NNT: variants seen among roughly 807,000 people sequenced by gnomAD.
The protein encoded by NNT is nicotinamide nucleotide transhydrogenase, also known as NAD(P) transhydrogenase, mitochondrial.
Under a neutral mutation model 104.8 loss-of-function variants are expected in NNT, and 50 were observed. That is an observed-to-expected ratio of 0.48 (90% CI 0.38 to 0.60). The LOEUF is 0.60. Ranked by LOEUF, NNT falls within the 20% of genes least tolerant of loss-of-function variation. The pLI is 0.00. For missense variants in NNT, 1,131 were observed against 1,330.7 expected, an observed-to-expected ratio of 0.85 and a Z score of 2.33; for synonymous variants, 461 against 490.4, an observed-to-expected ratio of 0.94 and a Z score of 0.79.
At chr5:43,609,413 T>A (rs1749391820) in intron 2 of NNT, 67 bp downstream of exon 2, 2 of 1,506,522 alleles carry the variant, frequency 1.3e-6, no homozygotes, top group East Asian at 2.3e-5. Flanking sequence ...ATCTGATGAT[T>A]GATAAAAGGA....
At chr5:43,696,969 A>G (rs930661200) in intron 19 of NNT, among the ~76,000 whole-genome samples, 5 of 152,178 alleles carry the variant, frequency 3.3e-5, no homozygotes, top group African/African-American at 1.2e-4. Context: ...GGTCGCTGAC[A>G]TGCCCTGGAG....
chr5:43,695,730 G>A (rs1742523656), intron 19 of NNT, among the ~76,000 whole-genome samples: 1 of 152,208 alleles, frequency 6.6e-6, no homozygotes, highest in African/African-American at 2.4e-5. Flanking sequence ...AGGTTTAATG[G>A]ACTTGCAGCT....
intron 21 of NNT, 86 bp from the exon 22 acceptor site, chr5:43,704,169 A>T: frequency 1.7e-6 from 2 of 1,202,264 alleles, no homozygotes; most frequent in Non-Finnish European, 2.3e-6. Flanking sequence ...CCTTGTTCAA[A>T]GGTAGTGAAG....
rs752072828 is a variant in NNT, at chr5:43,653,117, G to A, written c.1963G>A (p.Val655Ile). ...TGGCAATGCACTGGGCATGATTGGGGTTGCTGGAGGACTGGCAGCCACCCT... is the reference window on the plus strand; with the variant it reads ...TGGCAATGCACTGGGCATGATTGGGATTGCTGGAGGACTGGCAGCCACCCT... ...RLGNALGMIG[V>I]AGGLAATLGV... The change falls in exon 14 of 22, where the codon GTT becomes ATT. Residue 655 changes from valine (V) to isoleucine (I), a missense_variant. Coordinates refer to ENST00000344920, the MANE Select transcript of NNT (RefSeq NM_182977.3). 6.2e-7 allele frequency: 1 copy of A among 1,614,112 alleles called. No homozygotes were observed. The highest frequency in any genetic ancestry group is 2.2e-5 in the East Asian group (1 of 44,874).
At chr5:43,635,893 A>G (rs1315267068) in intron 7 of NNT, among the ~76,000 whole-genome samples, 1 of 152,184 alleles carries the variant, frequency 6.6e-6, no homozygotes, top group East Asian at 1.9e-4. Context: ...TAGGGCGTCA[A>G]CATAGGAATT....
chr5:43,644,042 C>T (rs1470996787), intron 7 of NNT, 150 bp from the exon 8 acceptor site: 13 of 679,686 alleles, frequency 1.9e-5, no homozygotes, highest in Middle Eastern at 4.1e-4. Flanking sequence ...TGCCCAGTCT[C>T]ACCCATGCTA....
intron 17 of NNT, 146 bp from the exon 18 acceptor site, chr5:43,675,365 A>G (rs1741354574): frequency 1.6e-6 from 1 of 606,618 alleles, no homozygotes; most frequent in Admixed American, 4.2e-5. Context: ...ATTTTCAGAA[A>G]CCAGCTGAAA....
rs1052219363 is a variant in NNT, at chr5:43,667,104, C to T, written c.2634+7754C>T. The T allele has an allele frequency of 5.5e-4, 848 of 1,548,226 alleles. 3 individuals are homozygous for T. Among genetic ancestry groups the T allele is most frequent in the Non-Finnish European group, 7.2e-4 (823 of 1,136,400 alleles). On this transcript the variant is annotated intron_variant, in intron 17 of 21. Coordinates refer to ENST00000344920, the MANE Select transcript of NNT (RefSeq NM_182977.3). ...TCTTGTTGTGCTTCTTGGCAAAGTGCATGTTCCTCAGGAACTTGGGGTCCA... is the reference window on the plus strand; with the variant it reads ...TCTTGTTGTGCTTCTTGGCAAAGTGTATGTTCCTCAGGAACTTGGGGTCCA...
intron 9 of NNT, 21 bp downstream of exon 9, chr5:43,644,823 C>T (rs1561285379): frequency 7.2e-6 from 11 of 1,535,088 alleles, no homozygotes; most frequent in Non-Finnish European, 8.8e-6. Context: ...AGATCTATTC[C>T]TTCCTTTGCT....
chr5:43,609,415 A>T (rs1749392147), intron 2 of NNT, 69 bp downstream of exon 2: 5 of 1,495,466 alleles, frequency 3.3e-6, no homozygotes, highest in Non-Finnish European at 4.6e-6. Context: ...CTGATGATTG[A>T]TAAAAGGAAA....
At chr5:43,657,893 G>T (rs1740139318) in intron 16 of NNT, among the ~76,000 whole-genome samples, 1 of 152,154 alleles carries the variant, frequency 6.6e-6, no homozygotes, top group Non-Finnish European at 1.5e-5. Context: ...CCAGCACTTT[G>T]GGAGGCCGAG....
At chr5:43,620,975 A>G (rs561752530) in intron 5 of NNT, among the ~76,000 whole-genome samples, 10 of 152,386 alleles carry the variant, frequency 6.6e-5, no homozygotes, top group African/African-American at 2.4e-4. Flanking sequence ...AAAGGTGGAA[A>G]AGTGACTATC....
At chr5:43,645,705 A>AT (rs1463913564) in intron 10 of NNT, 195 bp downstream of exon 10, 19 of 96,908 alleles carry the variant, frequency 2.0e-4, no homozygotes, top group African/African-American at 6.3e-4. Flanking sequence ...ATATATATAT[A>AT]TATATTTTTT....
rs912059583 is a variant in NNT, at chr5:43,686,436, C to T, written c.2876+8630C>T. Among the ~76,000 whole-genome samples the T allele has an allele frequency of 3.9e-5, 6 of 151,998 alleles. No homozygotes were observed. In the East Asian group the frequency reaches 1.2e-3, roughly 29 times the overall value. On this transcript the variant is annotated intron_variant, in intron 19 of 21. Transcript: ENST00000344920. Reference sequence around the variant, plus strand: ...TTGTTCAAGTTTCCAGGGAGCCCAACGTTTATAATTATTGGCCTCAATCTA... The same window carrying T: ...TTGTTCAAGTTTCCAGGGAGCCCAATGTTTATAATTATTGGCCTCAATCTA...
intron 3 of NNT, among the ~76,000 whole-genome samples, chr5:43,614,388 A>T (rs1462042791): frequency 2.0e-5 from 3 of 152,240 alleles, no homozygotes; most frequent in Non-Finnish European, 4.4e-5. Flanking sequence ...TCAGGGAAAC[A>T]TTCTATTGGC....
At chr5:43,635,243 T>A (rs758508892) in intron 7 of NNT, among the ~76,000 whole-genome samples, 1 of 152,190 alleles carries the variant, frequency 6.6e-6, no homozygotes, top group South Asian at 2.1e-4. Flanking sequence ...AATAGATAGG[T>A]TCACATATTG....
chr5:43,686,638 G>C (rs1172042055), intron 19 of NNT, among the ~76,000 whole-genome samples: 2 of 151,960 alleles, frequency 1.3e-5, no homozygotes, highest in Non-Finnish European at 1.5e-5. Context: ...ATGCTTCTTT[G>C]TATTAAGTGA....
intron 7 of NNT, among the ~76,000 whole-genome samples, chr5:43,633,317 T>C (rs1363693507): frequency 1.3e-5 from 2 of 152,218 alleles, no homozygotes; most frequent in Admixed American, 1.3e-4. Flanking sequence ...CTTTTGGGTC[T>C]GGTGTTAAAC....
intron 17 of NNT, among the ~76,000 whole-genome samples, chr5:43,666,382 G>A (rs537106666): frequency 1.2e-3 from 190 of 152,316 alleles, no homozygotes; most frequent in Non-Finnish European, 1.7e-3. Flanking sequence ...CTTGCGGTCA[G>A]GAGCTGGAGA....
Sources: allele counts gnomAD v4.1 joint callset (sites outside exome capture counted in the v4.1 genomes callset), GRCh38; gene constraint gnomAD v4.1.1; transcripts MANE v1.5; gene names NCBI Gene and HGNC (gene_info 2026-07-23, HGNC 2026-07-21).